The following NRXN3 variants were observed in gnomAD, a reference collection of about 807,000 sequenced individuals.
NRXN3 encodes the protein neurexin III.
Under a neutral mutation model 137.6 loss-of-function variants are expected in NRXN3, and 32 were observed. That is an observed-to-expected ratio of 0.23 (90% CI 0.18 to 0.31). NRXN3 has a LOEUF of 0.31. NRXN3 is among the 10% of genes least tolerant of loss of function. NRXN3 has a pLI of 1.00. For missense variants in NRXN3, 1,574 were observed against 2,062.5 expected (o/e 0.76, Z 4.59); for synonymous variants, 798 against 784.5 (o/e 1.02, Z -0.29).
intron 1 of NRXN3, among the ~76,000 whole-genome samples, chr14:78,222,684 T>C (rs2063990859): frequency 6.6e-6 from 1 of 152,134 alleles, no homozygotes; most frequent in African/African-American, 2.4e-5. Context: ...GACACAGTGA[T>C]AGAAATAACA....
intron 19 of NRXN3, among the ~76,000 whole-genome samples, chr14:79,727,552 A>C (rs1055894230): frequency 6.6e-6 from 1 of 152,234 alleles, no homozygotes; most frequent in South Asian, 2.1e-4. Context: ...ACAGAGCCCA[A>C]ATGACTTGTA....
chr14:78,456,514 T>G (rs951014946), intron 4 of NRXN3, among the ~76,000 whole-genome samples: 1 of 152,222 alleles, frequency 6.6e-6, no homozygotes, highest in Non-Finnish European at 1.5e-5. Flanking sequence ...ATCACTAACT[T>G]TCTTTTTCTA....
chr14:79,182,208 A>T (rs2063000476), intron 15 of NRXN3, among the ~76,000 whole-genome samples: 2 of 152,124 alleles, frequency 1.3e-5, no homozygotes, highest in South Asian at 4.2e-4. Context: ...GGCACCAGGG[A>T]CCAGTTTCAC....
intron 15 of NRXN3, among the ~76,000 whole-genome samples, chr14:79,071,864 G>A (rs2099688282): frequency 6.6e-6 from 1 of 152,070 alleles, no homozygotes; most frequent in East Asian, 1.9e-4. Flanking sequence ...TGAGGTGATG[G>A]CTACCCCATT....
chr14:79,574,655 G>A (rs2097648037), intron 16 of NRXN3, among the ~76,000 whole-genome samples: 1 of 152,076 alleles, frequency 6.6e-6, no homozygotes, highest in South Asian at 2.1e-4. Context: ...TTTACCCAGG[G>A]TGAGTGGACT....
chr14:78,711,399 T>C (rs2098405940), intron 7 of NRXN3, among the ~76,000 whole-genome samples: 1 of 151,772 alleles, frequency 6.6e-6, no homozygotes, highest in South Asian at 2.1e-4. Flanking sequence ...TTAAATTTCA[T>C]ACCTGGGAGC....
intron 4 of NRXN3, among the ~76,000 whole-genome samples, chr14:78,340,475 G>T (rs1277776080): frequency 6.6e-6 from 1 of 152,116 alleles, no homozygotes; most frequent in East Asian, 1.9e-4. Context: ...CAGGTCTATT[G>T]CTGGGGTCAC....
At chr14:79,377,418 G>C (rs2094334585) in intron 15 of NRXN3, among the ~76,000 whole-genome samples, 1 of 152,138 alleles carries the variant, frequency 6.6e-6, no homozygotes. Context: ...AAGTTGTGGA[G>C]TAGTGTTTTT....
intron 15 of NRXN3, among the ~76,000 whole-genome samples, chr14:79,161,625 G>A (rs2060782594): frequency 6.6e-6 from 1 of 151,942 alleles, no homozygotes; most frequent in African/African-American, 2.4e-5. Context: ...AAAGTTCCCA[G>A]GATGTGGCAC....
chr14:79,766,551 T>C (rs1263639835), intron 19 of NRXN3, among the ~76,000 whole-genome samples: 3 of 152,246 alleles, frequency 2.0e-5, no homozygotes, highest in African/African-American at 4.8e-5. Context: ...CTTGTCATCA[T>C]TGCATTCTGG....
chr14:78,645,010 T>C, intron 4 of NRXN3, 110 bp from the exon 5 acceptor site: 1 of 896,856 alleles, frequency 1.1e-6, no homozygotes, highest in South Asian at 1.9e-5. Flanking sequence ...TGTGTTGGTA[T>C]CAGCACAAGA....
At chr14:78,698,061 T>G (rs2098244464) in intron 6 of NRXN3, 1 of 151,834 alleles carries the variant, frequency 6.6e-6, no homozygotes, top group Non-Finnish European at 1.5e-5. Flanking sequence ...CTGGTCCACG[T>G]GTATTTTGTA....
chr14:79,688,646 C>G (rs890455289), intron 17 of NRXN3, among the ~76,000 whole-genome samples: 1 of 152,096 alleles, frequency 6.6e-6, no homozygotes, highest in Non-Finnish European at 1.5e-5. Context: ...AGTGGATTCA[C>G]CCAAAGTGGA....
chr14:78,414,833 A>G (rs2153668425), intron 4 of NRXN3, among the ~76,000 whole-genome samples: 1 of 152,272 alleles, frequency 6.6e-6, no homozygotes, highest in African/African-American at 2.4e-5. Context: ...GGGGTAGAGA[A>G]TACTATATTT....
chr14:78,816,595 T>C (rs1158396979), intron 10 of NRXN3, among the ~76,000 whole-genome samples: 2 of 152,172 alleles, frequency 1.3e-5, no homozygotes, highest in Non-Finnish European at 2.9e-5. Flanking sequence ...TTTTTACTAC[T>C]AAAAATGTAA....
chr14:78,496,538 C>T (rs1050914164), intron 4 of NRXN3, among the ~76,000 whole-genome samples: 1 of 151,956 alleles, frequency 6.6e-6, no homozygotes, highest in Non-Finnish European at 1.5e-5. Flanking sequence ...GTTTTAGGAA[C>T]CTGGAATGCT....
chr14:78,264,990 C>A (rs2153479298), intron 2 of NRXN3, among the ~76,000 whole-genome samples: 1 of 152,342 alleles, frequency 6.6e-6, no homozygotes, highest in African/African-American at 2.4e-5. Flanking sequence ...AGTGTCTGGG[C>A]TTAGAGATAA....
chr14:78,766,766 G>A (rs1210748869), intron 8 of NRXN3, among the ~76,000 whole-genome samples: 5 of 152,124 alleles, frequency 3.3e-5, no homozygotes, highest in African/African-American at 4.8e-5. Flanking sequence ...TGGGCTTTGC[G>A]GTCAGATAGA....
rs374634494 is a variant in NRXN3, at chr14:79,057,864, C to T, written c.3262+69723C>T. 8.6e-5 allele frequency among the ~76,000 whole-genome samples: 13 copies of T among 150,900 alleles called. 1 individual carries two copies. The highest frequency in any genetic ancestry group is 3.4e-3 in the Middle Eastern group (1 of 290). On this transcript the variant is annotated intron_variant, in intron 15 of 20. Transcript: ENST00000335750. ...ATGTGGTGCCATTCCAAGGATGAGACGAGGTTAAAAAAAAGGCTTTACTCA... is the reference window on the plus strand; with the variant it reads ...ATGTGGTGCCATTCCAAGGATGAGATGAGGTTAAAAAAAAGGCTTTACTCA...
Sources: allele counts gnomAD v4.1 joint callset (sites outside exome capture counted in the v4.1 genomes callset), GRCh38; gene constraint gnomAD v4.1.1; transcripts MANE v1.5; gene names NCBI Gene and HGNC (gene_info 2026-07-23, HGNC 2026-07-21).